Variants in PTK2 observed in about 807,000 individuals in gnomAD.
The protein encoded by PTK2 is protein tyrosine kinase 2.
Under a neutral mutation model 150.1 loss-of-function variants are expected in PTK2, and 45 were observed. The observed-to-expected ratio is 0.30, with a 90% CI of 0.24 to 0.38. The LOEUF is 0.38. Among genes scored for constraint, PTK2 ranks in the 10% least tolerant of loss-of-function variants. The pLI, the probability that PTK2 is intolerant of heterozygous loss-of-function variation, is 1.00. For synonymous variants in PTK2, 432 were observed against 449.2 expected (o/e 0.96, Z 0.48); for missense variants, 919 against 1,307.3 (o/e 0.70, Z 4.58).
At chr8:140,946,411 G>A (rs753137147) in intron 1 of PTK2, among the ~76,000 whole-genome samples, 1 of 152,158 alleles carries the variant, frequency 6.6e-6, no homozygotes, top group Non-Finnish European at 1.5e-5. Context: ...GAAAGACCAC[G>A]TAAGAGAGAG....
Position 140,832,897 on chromosome 8 carries a change from G to GT in PTK2, c.594-2372dup, listed in dbSNP as rs577720194. On this transcript the variant is annotated intron_variant, in intron 7 of 31. Coordinates refer to ENST00000522684, the Ensembl canonical transcript of PTK2. Reference sequence around the variant, plus strand: ...CATGTTTCAAGAAGGCAACACACACGTCAGTATTTGGGTGAGGGAAAGACC... The same window carrying GT: ...CATGTTTCAAGAAGGCAACACACACGTTCAGTATTTGGGTGAGGGAAAGACC... 1.2e-3 allele frequency: 624 copies of GT among 518,964 alleles called. 7 individuals are homozygous for GT. Among genetic ancestry groups the GT allele is most frequent in the South Asian group, 8.0e-3 (570 of 71,590 alleles). The allele number at this position is 518,964 out of a possible 1,614,324, so 32.1% of individuals were successfully genotyped here.
In PTK2 at chr8:140,668,207, G is replaced by C. The variant is rs570575132; in HGVS notation, c.2865+62C>G. ...GGGGACCTAGAGACATCTATCAACT[G>C]GCACCACAGCTTACAGGAAACAAGA... is the stretch of plus-strand genomic sequence containing the variant. On this transcript the variant is annotated intron_variant, in intron 30 of 31. Transcript: ENST00000522684. The C allele has an allele frequency of 8.2e-6, 13 of 1,592,484 alleles. No individual in the cohort carries two copies. The South Asian group carries it at 1.5e-4, about 18-fold the overall frequency.
At position 140,679,003 on chromosome 8, in the gene PTK2, G is replaced by GTTTTT. The variant is rs533089786; in HGVS notation, c.2563-3509_2563-3505dup. On this transcript the variant is annotated intron_variant, in intron 27 of 31. Transcript: ENST00000522684. ...TCACGGCCAGCTGAGTGCTCCCCAT[G>GTTTTT]TTTTTTTTTTTTTTTTTTTTTTTTT... Among the ~76,000 whole-genome samples, 51 of 69,004 alleles carry GTTTTT rather than the reference G, an allele frequency of 7.4e-4. 12 individuals carry two copies. Among genetic ancestry groups the GTTTTT allele is most frequent in the East Asian group, 2.8e-3 (6 of 2,156 alleles). 45.3% of individuals were successfully genotyped at this position (69,004 alleles called of 152,430 possible). A position where few individuals can be genotyped will look rare whatever the true frequency, so the allele number is the denominator to read the frequency against.
chr8:140,659,655 C>T (rs1161434269), exon 32 of PTK2: 2 of 1,614,106 alleles, frequency 1.2e-6, no homozygotes, highest in Non-Finnish European at 1.7e-6. Context: ...GGTCAGAGTT[C>T]AATAGCTTCT....
intron 1 of PTK2, among the ~76,000 whole-genome samples, chr8:140,958,308 TC>T (rs2100181899): frequency 6.6e-6 from 1 of 151,992 alleles, no homozygotes; most frequent in South Asian, 2.1e-4. Context: ...CCAGCTAATT[TC>T]TTTTTTTTAA....
chr8:140,680,701 G>T (rs569838956), intron 27 of PTK2, among the ~76,000 whole-genome samples: 1 of 152,178 alleles, frequency 6.6e-6, no homozygotes, highest in South Asian at 2.1e-4. Context: ...TAACAATTTA[G>T]GACCAACTGC....
rs192345223 is a variant in PTK2 at position 140,759,830 on chromosome 8, A to G, written c.1332+1335T>C. 3.2e-4 allele frequency among the ~76,000 whole-genome samples: 49 copies of G among 152,072 alleles called. 1 individual carries two copies. In the East Asian group the frequency reaches 7.7e-3, roughly 24 times the overall value. ...TGCACTCCAGCCTGACTGACAGAGC[A>G]AGACTCTCTCTCTCACCCACACACA... On this transcript the variant is annotated intron_variant, in intron 16 of 31. Transcript: ENST00000522684.
intron 22 of PTK2, among the ~76,000 whole-genome samples, chr8:140,733,982 T>C: frequency 6.6e-6 from 1 of 152,218 alleles, no homozygotes; most frequent in South Asian, 2.1e-4. Context: ...CCACAGAACC[T>C]AGCTTAGAAT....
intron 30 of PTK2, 24 bp downstream of exon 34, chr8:140,668,245 G>C (rs574773814): frequency 6.2e-7 from 1 of 1,613,482 alleles, no homozygotes; most frequent in East Asian, 2.2e-5. Context: ...ATTTTTGCCA[G>C]TACACAAAAT....
chr8:140,882,539 A>T (rs1329890174), intron 3 of PTK2, among the ~76,000 whole-genome samples: 1 of 152,238 alleles, frequency 6.6e-6, no homozygotes, highest in Non-Finnish European at 1.5e-5. Context: ...TCATAACCCA[A>T]GTGTCAGAAA....
At chr8:140,660,010 AT>A (rs2077157475) in intron 31 of PTK2, among the ~76,000 whole-genome samples, 1 of 152,076 alleles carries the variant, frequency 6.6e-6, no homozygotes, top group African/African-American at 2.4e-5. Flanking sequence ...CCCACACTAC[AT>A]TCATGCATTT....
At chr8:140,746,257 G>C (rs550445944) in intron 18 of PTK2, among the ~76,000 whole-genome samples, 1 of 152,232 alleles carries the variant, frequency 6.6e-6, no homozygotes, top group East Asian at 1.9e-4. Context: ...CTTGAGCCCA[G>C]GAGGTCGAGG....
intron 10 of PTK2, among the ~76,000 whole-genome samples, chr8:140,808,864 G>A (rs938434571): frequency 1.3e-5 from 2 of 151,006 alleles, no homozygotes; most frequent in Admixed American, 6.6e-5. Context: ...GTGTCCTGAA[G>A]TAGCTGGGAC....
chr8:140,892,982 A>G (rs776061661), intron 2 of PTK2, among the ~76,000 whole-genome samples: 12 of 152,250 alleles, frequency 7.9e-5, no homozygotes, highest in Non-Finnish European at 1.6e-4. Flanking sequence ...TGAACCAACC[A>G]TTCCATTTCT....
At chr8:140,847,931 G>A (rs958892584) in intron 5 of PTK2, among the ~76,000 whole-genome samples, 8 of 151,980 alleles carry the variant, frequency 5.3e-5, no homozygotes, top group African/African-American at 4.8e-5. Context: ...CATTATGACC[G>A]TCCCTTGCAA....
At chr8:140,954,333 G>A (rs1186163038) in intron 1 of PTK2, among the ~76,000 whole-genome samples, 1 of 152,138 alleles carries the variant, frequency 6.6e-6, no homozygotes, top group Non-Finnish European at 1.5e-5. Flanking sequence ...GCCTCCCAAA[G>A]TGCTGGGATT....
chr8:140,891,192 C>T (rs1425354250), intron 2 of PTK2, among the ~76,000 whole-genome samples: 1 of 151,848 alleles, frequency 6.6e-6, no homozygotes, highest in African/African-American at 2.4e-5. Flanking sequence ...AATACAAATT[C>T]AATGAGTATT....
At chr8:140,760,799 T>C (rs2100068999) in intron 16 of PTK2, among the ~76,000 whole-genome samples, 1 of 152,162 alleles carries the variant, frequency 6.6e-6, no homozygotes, top group Non-Finnish European at 1.5e-5. Flanking sequence ...TTTTGGAGGG[T>C]AAACTGGGGC....
intron 14 of PTK2, among the ~76,000 whole-genome samples, chr8:140,779,644 G>A (rs935204246): frequency 1.3e-5 from 2 of 152,112 alleles, no homozygotes; most frequent in African/African-American, 4.8e-5. Context: ...GAAGTTGGGG[G>A]AAACTGAGCA....
Sources: allele counts gnomAD v4.1 joint callset (sites outside exome capture counted in the v4.1 genomes callset), GRCh38; gene constraint gnomAD v4.1.1; transcripts MANE v1.5; gene names NCBI Gene and HGNC (gene_info 2026-07-23, HGNC 2026-07-21).